Variants in QTRT1 observed in about 807,000 individuals in gnomAD.
QTRT1 encodes queuine tRNA-ribosyltransferase catalytic subunit 1.
A neutral mutation model predicts 44.0 loss-of-function variants in QTRT1; 41 were observed. The observed-to-expected ratio is 0.93, with a 90% CI of 0.73 to 1.21. QTRT1 has a LOEUF of 1.21. Ranked by LOEUF, QTRT1 falls within the 50% of genes most tolerant of loss-of-function variation. The pLI is 0.00. For synonymous variants in QTRT1, 226 were observed against 237.1 expected, an observed-to-expected ratio of 0.95 and a Z score of 0.43; for missense variants, 542 against 575.8, an observed-to-expected ratio of 0.94 and a Z score of 0.60.
chr19:10,706,373 C>T (rs2068713493), intron 3 of QTRT1, among the ~76,000 whole-genome samples: 1 of 151,850 alleles, frequency 6.6e-6, no homozygotes, highest in Admixed American at 6.6e-5. Flanking sequence ...ATAATCTTAG[C>T]ACTTTTGTTT....
intron 5 of QTRT1, among the ~76,000 whole-genome samples, chr19:10,710,551 G>T (rs552583775): frequency 6.6e-6 from 1 of 151,982 alleles, no homozygotes; most frequent in Non-Finnish European, 1.5e-5. Context: ...TCCTGACCTC[G>T]TGATCCACCT....
At position 10,712,162 on chromosome 19, in the gene QTRT1, G is replaced by T. The variant is rs945233590; in HGVS notation, c.648G>T (p.Glu216Asp). Reference sequence around the variant, plus strand: ...CCTCACCTTACCCTGTACCCTCAGAGATGACCAAGCGAGACGTGCCTGGCT... The same window carrying T: ...CCTCACCTTACCCTGTACCCTCAGATATGACCAAGCGAGACGTGCCTGGCT... ...DADLRATCLE[E>D]MTKRDVPGFA... Residue 216 changes from glutamate (E) to aspartate (D), a missense_variant and splice_region_variant, in exon 6 of 10, where the codon GAG becomes GAT. Glu to Asp is a conservative substitution (Grantham distance 45, BLOSUM62 2). Coordinates refer to ENST00000250237, the MANE Select transcript of QTRT1 (RefSeq NM_031209.3). This position sits in a 1 kb window ranked among gnomAD's most constrained non-coding sequence, Gnocchi z 5.6. The T allele has an allele frequency of 6.2e-7, 1 of 1,612,578 alleles. No homozygotes were observed. The highest frequency in any genetic ancestry group is 1.3e-5 in the African/African-American group (1 of 75,016).
chr19:10,707,231 C>T (rs2068717857), intron 3 of QTRT1, 71 bp from the exon 4 acceptor site: 2 of 1,502,460 alleles, frequency 1.3e-6, no homozygotes, highest in Non-Finnish European at 1.9e-6. Context: ...CCAACTTGTC[C>T]CCATGTGACG....
In QTRT1 at chr19:10,712,935, T is replaced by A; in HGVS notation, c.972-18T>A. 1 of 1,612,858 alleles carries A rather than the reference T, an allele frequency of 6.2e-7. No homozygotes were observed. Among genetic ancestry groups the A allele is most frequent in the Non-Finnish European group, 8.5e-7 (1 of 1,179,820 alleles). ...GACAGGGCCTGGCCGTGCTGAGCTG[T>A]CCCCTGCCGCTCTACAGGCACAGCC... On this transcript the variant is annotated intron_variant, in intron 8 of 9. Coordinates refer to ENST00000250237, the MANE Select transcript of QTRT1 (RefSeq NM_031209.3). This position sits in a 1 kb window ranked among gnomAD's most constrained non-coding sequence, Gnocchi z 5.6.
At position 10,712,696 on chromosome 19, in the gene QTRT1, TG is replaced by T; in HGVS notation, c.862-56del. The T allele has an allele frequency of 1.2e-5, 6 of 507,378 alleles. No homozygotes were observed. Among genetic ancestry groups the T allele is most frequent in the Non-Finnish European group, 1.7e-5 (5 of 286,088 alleles). 31.4% of individuals were successfully genotyped at this position (507,378 alleles called of 1,614,324 possible). ...GGGACTAGGGAGGCAAGGTTAGGGG[TG>T]GGGGGTGGGGAGAATGAAGCCCTGG... On this transcript the variant is annotated intron_variant, in intron 7 of 9. Coordinates refer to ENST00000250237, the MANE Select transcript of QTRT1 (RefSeq NM_031209.3). This position sits in a 1 kb window ranked among gnomAD's most constrained non-coding sequence, Gnocchi z 5.6.
At chr19:10,701,856 G>A in intron 1 of QTRT1, 94 bp from the exon 2 acceptor site, 1 of 1,577,670 alleles carries the variant, frequency 6.3e-7, no homozygotes. Context: ...GCGTGAAAGA[G>A]CAGCAGGGAC....
intron 3 of QTRT1, among the ~76,000 whole-genome samples, chr19:10,702,922 A>G (rs2145617947): frequency 6.6e-6 from 1 of 151,356 alleles, no homozygotes; most frequent in South Asian, 2.1e-4. Context: ...GGTGTGCGCC[A>G]CCACACCTGG....
chr19:10,705,604 C>T (rs932829124), intron 3 of QTRT1, among the ~76,000 whole-genome samples: 1 of 150,732 alleles, frequency 6.6e-6, no homozygotes, highest in African/African-American at 2.4e-5. Context: ...GGTGCAATCT[C>T]GGCTCACTGC....
At position 10,712,699 on chromosome 19, in the gene QTRT1, G is replaced by C; in HGVS notation, c.862-59G>C. On this transcript the variant is annotated intron_variant, in intron 7 of 9. Transcript: ENST00000250237. This position sits in a 1 kb window ranked among gnomAD's most constrained non-coding sequence, Gnocchi z 5.6. The stretch of plus-strand genomic sequence containing the variant: ...ACTAGGGAGGCAAGGTTAGGGGTGG[G>C]GGGTGGGGAGAATGAAGCCCTGGGT... 3.1e-6 allele frequency: 2 copies of C among 645,106 alleles called. No individual in the cohort carries two copies. The highest frequency in any genetic ancestry group is 5.5e-6 in the Non-Finnish European group (2 of 365,926). The allele number at this position is 645,106 out of a possible 1,614,324, so 40.0% of individuals were successfully genotyped here.
intron 3 of QTRT1, among the ~76,000 whole-genome samples, chr19:10,705,840 CTT>C (rs71164114): frequency 0.022 from 818 of 37,428 alleles, no homozygotes; most frequent in South Asian, 0.05. Flanking sequence ...CTGGCCTGTT[CTT>C]TTTTTTTTTT....
chr19:10,704,117 G>C (rs1568252076), intron 3 of QTRT1, among the ~76,000 whole-genome samples: 1 of 152,192 alleles, frequency 6.6e-6, no homozygotes, highest in Non-Finnish European at 1.5e-5. Flanking sequence ...AAAGTGCTGG[G>C]ATTACAGGTG....
rs762047406 is a variant in QTRT1, at chr19:10,712,760, C to T, written c.864C>T (p.Arg288=). The T allele has an allele frequency of 3.3e-5, 54 of 1,613,766 alleles. No individual in the cohort carries two copies. The highest frequency in any genetic ancestry group is 4.5e-5 in the Non-Finnish European group (53 of 1,179,886). Residue 288 remains arginine (R), a splice_region_variant and synonymous_variant, in exon 8 of 10, where the codon CGC becomes CGT. Coordinates refer to ENST00000250237, the MANE Select transcript of QTRT1 (RefSeq NM_031209.3). The surrounding 1 kb of genome is among the most constrained non-coding windows in gnomAD (Gnocchi z 5.6). The part of the protein sequence containing the change: ...FDCVFPTRTA[R]FGSALVPTGN... Reference sequence around the variant, plus strand: ...TCCCTGCCCTTCCTCTCCCACAGCGCTTTGGCTCTGCCCTGGTGCCCACTG... The same window carrying T: ...TCCCTGCCCTTCCTCTCCCACAGCGTTTTGGCTCTGCCCTGGTGCCCACTG...
Position 10,707,194 on chromosome 19 carries a change from G to A in QTRT1, c.452-108G>A, listed in dbSNP as rs985667575. 5.5e-6 allele frequency: 6 copies of A among 1,091,350 alleles called. No homozygotes were observed. In the African/African-American group the frequency reaches 7.7e-5, roughly 14 times the overall value. 67.6% of individuals were successfully genotyped at this position (1,091,350 alleles called of 1,614,324 possible). Reference sequence around the variant, plus strand: ...AGTCACGTGGGAGTTAGCAAGACGGGGGATGGGGGGATGCTCTTGGGGAAG... The same window carrying A: ...AGTCACGTGGGAGTTAGCAAGACGGAGGATGGGGGGATGCTCTTGGGGAAG... On this transcript the variant is annotated intron_variant, in intron 3 of 9. Transcript: ENST00000250237.
intron 5 of QTRT1, 41 bp downstream of exon 5, chr19:10,707,656 G>A (rs529542160): frequency 1.1e-5 from 16 of 1,456,806 alleles, no homozygotes; most frequent in Middle Eastern, 1.8e-4. Context: ...TGGCCATCGC[G>A]GAGGTCCCCA....
rs1323929008 is a variant in QTRT1 at position 10,713,260 on chromosome 19, C to T, written c.1202C>T (p.Thr401Ile). ...GACGCTCTGGCCTCTGTGGGAATCACACTGGGCTGACCTGGCATTGGGAGA... is the reference window on the plus strand; with the variant it reads ...GACGCTCTGGCCTCTGTGGGAATCATACTGGGCTGACCTGGCATTGGGAGA... The part of the protein sequence containing the change: ...ATDALASVGI[T>I]LG The change falls in exon 10 of 10, where the codon ACA becomes ATA. Residue 401 changes from threonine (T) to isoleucine (I), a missense_variant. By Grantham distance (89) the Thr-to-Ile change is moderately conservative. Coordinates refer to ENST00000250237, the MANE Select transcript of QTRT1 (RefSeq NM_031209.3). This position sits in a 1 kb window ranked among gnomAD's most constrained non-coding sequence, Gnocchi z 4.3. 2.5e-6 allele frequency: 4 copies of T among 1,589,110 alleles called. No individual in the cohort carries two copies. The African/African-American group carries it at 5.4e-5, about 21-fold the overall frequency.
At chr19:10,707,161 A>G in intron 3 of QTRT1, 141 bp from the exon 4 acceptor site, 1 of 775,532 alleles carries the variant, frequency 1.3e-6, no homozygotes. Context: ...GTATAAACAG[A>G]CCGGGAAAGT....
Position 10,701,980 on chromosome 19 carries a change from C to G in QTRT1, c.274C>G (p.Leu92Val). ...CGAGCTGATCCAGAAAGCCAACGGT[C>G]TCCACGGCTTCATGAATTGGCCTCA... ...GPELIQKANG[L>V]HGFMNWPHNL... The change falls in exon 2 of 10, where the codon CTC becomes GTC. Residue 92 changes from leucine (L) to valine (V), a missense_variant. Leu to Val is a conservative substitution (Grantham distance 32). Coordinates refer to ENST00000250237, the MANE Select transcript of QTRT1 (RefSeq NM_031209.3). 1 of 1,614,192 alleles carries G rather than the reference C, an allele frequency of 6.2e-7. No individual in the cohort carries two copies. The highest frequency in any genetic ancestry group is 8.5e-7 in the Non-Finnish European group (1 of 1,180,014).
chr19:10,712,628 G>C lies in QTRT1; in HGVS notation c.861G>C (p.Ala287=), dbSNP rs760014409. The C allele has an allele frequency of 6.2e-7, 1 of 1,612,072 alleles. No homozygotes were observed. Among genetic ancestry groups the C allele is most frequent in the South Asian group, 1.1e-5 (1 of 91,046 alleles). The change falls in exon 7 of 10, where the codon GCG becomes GCC. Residue 287 remains alanine (A), a splice_region_variant and synonymous_variant. Coordinates refer to ENST00000250237, the MANE Select transcript of QTRT1 (RefSeq NM_031209.3). This position sits in a 1 kb window ranked among gnomAD's most constrained non-coding sequence, Gnocchi z 5.6. ...MFDCVFPTRT[A]RFGSALVPTG... is the part of the protein sequence containing the mutation. ...ACTGCGTCTTCCCCACACGGACAGC[G>C]GTGAGGCTCTGGCAGAAGGAGGTCA...
At chr19:10,711,988 CCTCTGTCTCCCT>C in intron 5 of QTRT1, 161 bp from the exon 6 acceptor site, 3 of 749,050 alleles carry the variant, frequency 4.0e-6, no homozygotes, top group Non-Finnish European at 6.6e-6. Flanking sequence ...TGGACCCTCT[CCTCTGTCTCCCT>C]CTCCGTCTCC....
Sources: gnomAD v4.1 joint callset for allele counts (sites outside exome capture counted in the v4.1 genomes callset) on GRCh38, gnomAD v4.1.1 for gene constraint, Gnocchi (gnomAD v3.1) non-coding constraint, MANE v1.5 for transcripts, NCBI Gene and HGNC (gene_info 2026-07-23, HGNC 2026-07-21) for gene names.